The following GLIS3 variants were observed in gnomAD, a reference collection of about 807,000 sequenced individuals.
GLIS3 encodes the protein zinc finger protein GLIS3.
In GLIS3, 53 loss-of-function variants were observed where a neutral mutation model predicts 78.6. That is an observed-to-expected ratio of 0.67 (90% CI 0.54 to 0.85). The LOEUF (loss-of-function observed/expected upper bound fraction) is 0.85, where lower values mean the gene tolerates loss of function less well. GLIS3 is among the 40% of genes least tolerant of loss of function. GLIS3 has a pLI of 0.00. For missense variants in GLIS3, 1,703 were observed against 1,231.1 expected (o/e 1.38, Z -5.74); for synonymous variants, 684 against 509.9 (o/e 1.34, Z -4.60).
In GLIS3 at chr9:4,118,849, G is replaced by A. The variant is rs746828453; in HGVS notation, c.629C>T (p.Thr210Met). The A allele has an allele frequency of 5.6e-6, 9 of 1,603,566 alleles. No individual in the cohort carries two copies. Among genetic ancestry groups the A allele is most frequent in the Admixed American group, 1.7e-5 (1 of 60,012 alleles). ...SLISRESLAS[T>M]TLSLTESQSA... ...CTGACTTTCCGTCAGACTCAAGGTC[G>A]TGGACGCCAAAGACTCACGCGAAAT... The change falls in exon 4 of 11, where the codon ACG (threonine) becomes ATG (methionine). Residue 210 changes from threonine (T) to methionine (M), a missense_variant. By Grantham distance (81) the Thr-to-Met change is moderately conservative. Transcript: ENST00000381971. This position sits in a 1 kb window ranked among gnomAD's most constrained non-coding sequence, Gnocchi z 4.7.
chr9:3,987,945 C>A (rs1238359075), intron 4 of GLIS3, among the ~76,000 whole-genome samples: 1 of 151,822 alleles, frequency 6.6e-6, no homozygotes, highest in African/African-American at 2.4e-5. Context: ...ACATGAACAT[C>A]AATTCAATGA....
At position 3,987,696 on chromosome 9, in the gene GLIS3, T is replaced by TA. The variant is rs796232077; in HGVS notation, c.1711-50508dup. On this transcript the variant is annotated intron_variant, in intron 4 of 10. Coordinates refer to ENST00000381971, the MANE Select transcript of GLIS3 (RefSeq NM_001042413.2). Reference sequence around the variant, plus strand: ...TGGGCGACAAGAGTGAAACAACGTTTAAAAAAAAAAAAGAAAAAGAAAAGA... The same window carrying TA: ...TGGGCGACAAGAGTGAAACAACGTTTAAAAAAAAAAAAAGAAAAAGAAAAGA... 7.5e-3 allele frequency among the ~76,000 whole-genome samples: 485 copies of TA among 64,756 alleles called. 1 individual carries two copies. The highest frequency in any genetic ancestry group is 0.041 in the East Asian group (105 of 2,566). 42.5% of individuals were successfully genotyped at this position (64,756 alleles called of 152,430 possible).
At chr9:4,109,766 A>T (rs1004713672) in intron 4 of GLIS3, among the ~76,000 whole-genome samples, 2 of 152,276 alleles carry the variant, frequency 1.3e-5, no homozygotes, top group Non-Finnish European at 2.9e-5. Context: ...ACTCCTACCT[A>T]GTCTTGGACC....
At chr9:4,219,790 C>G (rs377573991) in intron 2 of GLIS3, among the ~76,000 whole-genome samples, 5 of 152,166 alleles carry the variant, frequency 3.3e-5, no homozygotes, top group Admixed American at 2.0e-4. Flanking sequence ...AGCAGGTCCA[C>G]GCAGAGCAAA....
chr9:4,133,516 C>G (rs1450814042), intron 2 of GLIS3, among the ~76,000 whole-genome samples: 2 of 152,082 alleles, frequency 1.3e-5, no homozygotes, highest in African/African-American at 4.8e-5. Flanking sequence ...AACACAGTAG[C>G]TAAGAGCCAT....
intron 4 of GLIS3, among the ~76,000 whole-genome samples, chr9:4,012,765 C>CTTTTTTTTTTTTTTTTT (rs71324278): frequency 2.7e-4 from 18 of 66,500 alleles, no homozygotes; most frequent in South Asian, 7.8e-4. Flanking sequence ...TTTTCTTTTT[C>CTTTTTTTTTTTTTTTTT]TTTTTTTTTT....
chr9:4,473,375 G>A, the GLIS3 span, among the ~76,000 whole-genome samples: 15 of 151,290 alleles, frequency 9.9e-5, no homozygotes, highest in African/African-American at 2.9e-4. Context: ...GAACCTGGGA[G>A]GCAGAGGTTG....
the GLIS3 span, among the ~76,000 whole-genome samples, chr9:4,418,169 G>A: frequency 6.6e-6 from 1 of 152,296 alleles, no homozygotes; most frequent in East Asian, 1.9e-4. Flanking sequence ...CTGAACAAAT[G>A]TACTGGATAT....
intron 2 of GLIS3, among the ~76,000 whole-genome samples, chr9:4,205,271 C>G (rs149042721): frequency 8.6e-5 from 13 of 151,708 alleles, no homozygotes; most frequent in African/African-American, 2.4e-4. Flanking sequence ...TCCTTATGTA[C>G]AGCACCCCAA....
intron 4 of GLIS3, among the ~76,000 whole-genome samples, chr9:4,067,888 C>T (rs1487907859): frequency 1.3e-5 from 2 of 151,792 alleles, no homozygotes; most frequent in Admixed American, 6.6e-5. Flanking sequence ...AGAAATGAAG[C>T]AATAACCACC....
chr9:4,342,065 GAT>G (rs1817840764), intron 2 of GLIS3, among the ~76,000 whole-genome samples: 1 of 152,190 alleles, frequency 6.6e-6, no homozygotes, highest in African/African-American at 2.4e-5. Context: ...TTAATCTGTG[GAT>G]AGTTTCTTTT....
At chr9:4,463,569 A>G in the GLIS3 span, among the ~76,000 whole-genome samples, 2 of 152,212 alleles carry the variant, frequency 1.3e-5, no homozygotes, top group Non-Finnish European at 2.9e-5. Context: ...AGGTGTGGGT[A>G]GCTGATGGCA....
chr9:3,897,609 G>T (rs1403066699), intron 7 of GLIS3, among the ~76,000 whole-genome samples: 4 of 152,188 alleles, frequency 2.6e-5, no homozygotes, highest in African/African-American at 9.7e-5. Flanking sequence ...GTCCCCAACA[G>T]TAAGTGCTTA....
At chr9:4,257,906 T>C (rs912734128) in intron 2 of GLIS3, among the ~76,000 whole-genome samples, 5 of 152,200 alleles carry the variant, frequency 3.3e-5, no homozygotes, top group Non-Finnish European at 5.9e-5. Context: ...TATTAAAATA[T>C]CGTGTTTTAC....
At chr9:4,462,723 T>C in the GLIS3 span, among the ~76,000 whole-genome samples, 20 of 151,724 alleles carry the variant, frequency 1.3e-4, 1 homozygote, top group Non-Finnish European at 2.8e-4. Flanking sequence ...GGAAGGAAGA[T>C]TGCTTCAACC....
intron 4 of GLIS3, among the ~76,000 whole-genome samples, chr9:3,989,391 A>G (rs12001741): frequency 0.055 from 8,418 of 152,260 alleles, 491 homozygotes; most frequent in African/African-American, 0.15. Context: ...GTAGTGGTGG[A>G]TAATTATCCA....
At chr9:4,033,394 G>A (rs955521322) in intron 4 of GLIS3, among the ~76,000 whole-genome samples, 1 of 152,114 alleles carries the variant, frequency 6.6e-6, no homozygotes, top group Admixed American at 6.5e-5. Flanking sequence ...GAAGGCTCCA[G>A]GCCATTTGGG....
chr9:3,990,916 G>A (rs1170100930), intron 4 of GLIS3, among the ~76,000 whole-genome samples: 3 of 152,036 alleles, frequency 2.0e-5, no homozygotes, highest in African/African-American at 7.2e-5. Flanking sequence ...TGAAAAACAG[G>A]CCTAACCAAC....
intron 4 of GLIS3, among the ~76,000 whole-genome samples, chr9:4,049,952 G>T (rs1280366060): frequency 6.6e-6 from 1 of 152,016 alleles, no homozygotes; most frequent in Non-Finnish European, 1.5e-5. Flanking sequence ...AAAACAACAG[G>T]TGCTGGAGAG....
Sources: allele counts gnomAD v4.1 joint callset (sites outside exome capture counted in the v4.1 genomes callset), GRCh38; gene constraint gnomAD v4.1.1; non-coding constraint Gnocchi (gnomAD v3.1); transcripts MANE v1.5; gene names NCBI Gene and HGNC (gene_info 2026-07-23, HGNC 2026-07-21).